FRAS1: variants seen among roughly 807,000 people sequenced by gnomAD.
FRAS1 encodes the protein Fraser extracellular matrix complex subunit 1.
Under a neutral mutation model 435.2 loss-of-function variants are expected in FRAS1, and 290 were observed. That is an observed-to-expected ratio of 0.67 (90% CI 0.61 to 0.73). The LOEUF (loss-of-function observed/expected upper bound fraction) is 0.73. Ranked by LOEUF, FRAS1 falls within the 30% of genes least tolerant of loss-of-function variation. FRAS1 has a pLI of 0.00. For synonymous variants in FRAS1, 1,800 were observed against 1,851.0 expected (o/e 0.97, Z 0.71); for missense variants, 4,860 against 5,001.5 (o/e 0.97, Z 0.85).
chr4:78,318,012 GAACA>G (rs1454679770), intron 17 of FRAS1, among the ~76,000 whole-genome samples: 2 of 152,030 alleles, frequency 1.3e-5, no homozygotes, highest in East Asian at 3.9e-4. Flanking sequence ...AGAATATTGG[GAACA>G]AACACTTTAA....
At chr4:78,090,935 T>G (rs1043845415) in intron 2 of FRAS1, among the ~76,000 whole-genome samples, 7 of 152,200 alleles carry the variant, frequency 4.6e-5, no homozygotes, top group African/African-American at 1.7e-4. Context: ...TTATAAATCA[T>G]GGATATTAAT....
chr4:78,497,107 G>T, intron 60 of FRAS1, 146 bp downstream of exon 60: 1 of 696,118 alleles, frequency 1.4e-6, no homozygotes. Context: ...AATGTTGGTG[G>T]CAAATGATCT....
At position 78,278,748 on chromosome 4, in the gene FRAS1, A is replaced by C. The variant is rs781258162; in HGVS notation, c.1071+4A>C. ...TTATGAAGAAACTGGAGAATTTGTG[A>C]GTATCAGGCTTATAACCGAAGATGA... On this transcript the variant is annotated splice_donor_region_variant and intron_variant, in intron 10 of 73. Coordinates refer to ENST00000512123, the MANE Select transcript of FRAS1 (RefSeq NM_025074.7). The C allele has an allele frequency of 1.3e-6, 2 of 1,523,912 alleles. No homozygotes were observed. The highest frequency in any genetic ancestry group is 3.4e-5 in the Admixed American group (2 of 59,138). 94.4% of individuals were successfully genotyped at this position (1,523,912 alleles called of 1,614,324 possible).
At chr4:78,290,041 C>T (rs1727811206) in intron 14 of FRAS1, among the ~76,000 whole-genome samples, 1 of 152,188 alleles carries the variant, frequency 6.6e-6, no homozygotes, top group African/African-American at 2.4e-5. Context: ...GTTCAATCAG[C>T]CTCTGTTCCA....
intron 20 of FRAS1, among the ~76,000 whole-genome samples, chr4:78,341,248 A>G (rs1730386701): frequency 6.6e-6 from 1 of 152,162 alleles, no homozygotes; most frequent in Admixed American, 6.5e-5. Context: ...GCCAAAGAGG[A>G]TTATTTATTG....
At chr4:78,388,459 C>T (rs563663598) in intron 29 of FRAS1, among the ~76,000 whole-genome samples, 1 of 151,858 alleles carries the variant, frequency 6.6e-6, no homozygotes, top group Non-Finnish European at 1.5e-5. Context: ...TGAGCAAACT[C>T]TTTTGGTAAT....
chr4:78,516,829 C>G (rs1578369363), intron 66 of FRAS1, among the ~76,000 whole-genome samples: 1 of 152,228 alleles, frequency 6.6e-6, no homozygotes, highest in African/African-American at 2.4e-5. Flanking sequence ...GATCCAATCA[C>G]CTCCCATCTG....
intron 2 of FRAS1, among the ~76,000 whole-genome samples, chr4:78,216,038 A>G (rs1272774905): frequency 1.3e-5 from 2 of 152,192 alleles, no homozygotes; most frequent in African/African-American, 4.8e-5. Context: ...AGAACCTGTA[A>G]TACTATGTCA....
In FRAS1 at chr4:78,226,766, T is replaced by A. The variant is rs185501969; in HGVS notation, c.109-10744T>A. On this transcript the variant is annotated intron_variant, in intron 2 of 73. Transcript: ENST00000512123. ...AATTCTTGGCCATATTTTAAAAAAA[T>A]TTTGTTTCCGCCCATTTCTGTCATT... is the stretch of plus-strand genomic sequence containing the variant. Among the ~76,000 whole-genome samples, 285 of 152,302 alleles carry A rather than the reference T, an allele frequency of 1.9e-3. 1 individual carries two copies. The highest frequency in any genetic ancestry group is 6.8e-3 in the African/African-American group (281 of 41,588).
intron 2 of FRAS1, among the ~76,000 whole-genome samples, chr4:78,081,538 A>T (rs541801781): frequency 2.6e-5 from 4 of 152,212 alleles, no homozygotes; most frequent in Admixed American, 2.6e-4. Flanking sequence ...TTTACCTGGA[A>T]AGGAGAGGGG....
intron 45 of FRAS1, 48 bp from the exon 46 acceptor site, chr4:78,451,724 G>A (rs1229110922): frequency 6.7e-7 from 1 of 1,491,506 alleles, no homozygotes; most frequent in Non-Finnish European, 9.0e-7. Flanking sequence ...TCAGAAATAA[G>A]GGCAGAAAGC....
chr4:78,209,130 G>A (rs1344656349), intron 2 of FRAS1, among the ~76,000 whole-genome samples: 2 of 151,588 alleles, frequency 1.3e-5, no homozygotes, highest in Non-Finnish European at 2.9e-5. Flanking sequence ...GGGCAGCAGA[G>A]CAAGACCCCA....
chr4:78,066,098 C>A, intron 2 of FRAS1, 82 bp downstream of exon 2: 1 of 925,460 alleles, frequency 1.1e-6, no homozygotes. Context: ...TGAGTTGACC[C>A]TATCATTGTA....
chr4:78,319,292 G>A (rs1729403854), intron 18 of FRAS1: 1 of 512,752 alleles, frequency 2.0e-6, no homozygotes, highest in Non-Finnish European at 3.8e-6. Flanking sequence ...AAGACTCAGA[G>A]CTCATTGTAG....
chr4:78,536,767 G>A (rs1257388539), intron 71 of FRAS1, among the ~76,000 whole-genome samples: 1 of 152,032 alleles, frequency 6.6e-6, no homozygotes, highest in African/African-American at 2.4e-5. Context: ...TTGAAAAAAA[G>A]AAGGCATAAA....
chr4:78,111,752 TAAA>T (rs564909222), intron 2 of FRAS1, among the ~76,000 whole-genome samples: 1,378 of 105,058 alleles, frequency 0.013, 8 homozygotes, highest in African/African-American at 0.035. Flanking sequence ...TAGAGTATAA[TAAA>T]AAAAAAAAAA....
chr4:78,116,969 C>T (rs1042704646), intron 2 of FRAS1, among the ~76,000 whole-genome samples: 5 of 152,144 alleles, frequency 3.3e-5, no homozygotes, highest in Non-Finnish European at 7.3e-5. Flanking sequence ...TGGGTCTTAC[C>T]AGTTGTTCCT....
rs927541717 is a variant in FRAS1, at chr4:78,318,141, G to A, written c.1960+633G>A. 6.6e-5 allele frequency among the ~76,000 whole-genome samples: 10 copies of A among 152,320 alleles called. No homozygotes were observed. The East Asian group carries it at 1.9e-3, about 29-fold the overall frequency. ...GTTTGAGAATAGTTACAAGAACAATGTATTTGAAACAGGAAAGCTGCAACA... is the reference window on the plus strand; with the variant it reads ...GTTTGAGAATAGTTACAAGAACAATATATTTGAAACAGGAAAGCTGCAACA... On this transcript the variant is annotated intron_variant, in intron 17 of 73. Coordinates refer to ENST00000512123, the MANE Select transcript of FRAS1 (RefSeq NM_025074.7).
At chr4:78,058,960 C>T (rs1739609534) in intron 1 of FRAS1, among the ~76,000 whole-genome samples, 1 of 152,218 alleles carries the variant, frequency 6.6e-6, no homozygotes, top group South Asian at 2.1e-4. Flanking sequence ...CCCGCCAGTG[C>T]TTAGGGAGGG....
Sources: allele counts gnomAD v4.1 joint callset (sites outside exome capture counted in the v4.1 genomes callset), GRCh38; gene constraint gnomAD v4.1.1; transcripts MANE v1.5; gene names NCBI Gene and HGNC (gene_info 2026-07-23, HGNC 2026-07-21).